ARHGAP32: variants seen among roughly 807,000 people sequenced by gnomAD.
ARHGAP32 encodes the protein Rho GTPase activating protein 32.
Under a neutral mutation model 186.5 loss-of-function variants are expected in ARHGAP32, and 51 were observed. The ratio of observed to expected loss-of-function variants is 0.27; its 90% CI spans 0.22 to 0.35. The LOEUF (loss-of-function observed/expected upper bound fraction) is 0.35. Among genes scored for constraint, ARHGAP32 ranks in the 10% least tolerant of loss-of-function variants. ARHGAP32 has a pLI of 1.00. For synonymous variants in ARHGAP32, 950 were observed against 964.3 expected (o/e 0.99, Z 0.27); for missense variants, 2,186 against 2,623.5 (o/e 0.83, Z 3.64).
In ARHGAP32 at chr11:129,047,269, G is replaced by T. The variant is rs2135057719; in HGVS notation, c.964-6260C>A. On this transcript the variant is annotated intron_variant, in intron 10 of 22. Coordinates refer to ENST00000682385, the MANE Select transcript of ARHGAP32 (RefSeq NM_001378024.1). The stretch of plus-strand genomic sequence containing the variant: ...TGCTCACTCCTCAAAATATATCACA[G>T]ATTTTTCAATTGGAATTATTTGGCC... 2.0e-5 allele frequency among the ~76,000 whole-genome samples: 3 copies of T among 152,194 alleles called. No individual in the cohort carries two copies. In the South Asian group the frequency reaches 6.2e-4, roughly 32 times the overall value.
chr11:129,271,755 G>T (rs1591390274), intron 1 of ARHGAP32, among the ~76,000 whole-genome samples: 1 of 152,254 alleles, frequency 6.6e-6, no homozygotes, highest in East Asian at 1.9e-4. Flanking sequence ...CAACTAAGAG[G>T]TCAAAACTAG....
intron 1 of ARHGAP32, among the ~76,000 whole-genome samples, chr11:129,200,155 T>C (rs1944440500): frequency 6.6e-6 from 1 of 152,194 alleles, no homozygotes; most frequent in Admixed American, 6.5e-5. Context: ...TACAGGTTCA[T>C]AGGCAGAAGG....
At chr11:129,035,239 T>C (rs1028003878) in intron 11 of ARHGAP32, among the ~76,000 whole-genome samples, 1 of 152,122 alleles carries the variant, frequency 6.6e-6, no homozygotes, top group South Asian at 2.1e-4. Context: ...ATGGGTACTT[T>C]CTATCTTGGT....
Position 129,258,464 on chromosome 11 carries a change from C to T in ARHGAP32, c.-5+20682G>A, listed in dbSNP as rs1183430704. Among the ~76,000 whole-genome samples, 6 of 152,046 alleles carry T rather than the reference C, an allele frequency of 3.9e-5. No homozygotes were observed. In the East Asian group the frequency reaches 1.2e-3, roughly 29 times the overall value. On this transcript the variant is annotated intron_variant, in intron 1 of 6. Transcript: ENST00000525234. Reference sequence around the variant, plus strand: ...CTGCAGCAGTATGTGCCTGCCACGTCCCTCTTTTTAACTTCTTCCAGCTCC... The same window carrying T: ...CTGCAGCAGTATGTGCCTGCCACGTTCCTCTTTTTAACTTCTTCCAGCTCC...
chr11:128,999,436 C>A (rs1565367149), intron 11 of ARHGAP32, among the ~76,000 whole-genome samples: 2 of 152,152 alleles, frequency 1.3e-5, no homozygotes, highest in Admixed American at 1.3e-4. Context: ...ATTCTAATTT[C>A]GCCCTGGTCC....
At chr11:129,156,011 GGACTGTGCCGTGAGAA>G (rs1258944329) in intron 2 of ARHGAP32, among the ~76,000 whole-genome samples, 8 of 152,180 alleles carry the variant, frequency 5.3e-5, no homozygotes, top group South Asian at 2.1e-4. Context: ...AAGATGTGAG[GGACTGTGCCGTGAGAA>G]GACTGTGCCG....
At chr11:129,279,616 C>T (rs973052762), upstream of ARHGAP32, among the ~76,000 whole-genome samples, 14 of 146,218 alleles carry the variant, frequency 9.6e-5, no homozygotes, top group Admixed American at 6.8e-5. Context: ...CCGCGACGCC[C>T]GCAGCGGGGA....
chr11:128,979,478 T>C (rs777301024), intron 18 of ARHGAP32, among the ~76,000 whole-genome samples: 17 of 152,182 alleles, frequency 1.1e-4, no homozygotes, highest in Admixed American at 6.5e-5. Flanking sequence ...TCTTTAACAT[T>C]ATAAAACTAT....
At chr11:129,233,170 C>T (rs1305290950) in intron 1 of ARHGAP32, among the ~76,000 whole-genome samples, 2 of 151,746 alleles carry the variant, frequency 1.3e-5, no homozygotes, top group African/African-American at 4.8e-5. Flanking sequence ...AAAAAGAATC[C>T]TGATCTTTTA....
Position 129,176,956 on chromosome 11 carries a change from T to C in ARHGAP32, c.117-12529A>G, listed in dbSNP as rs1352467559. On this transcript the variant is annotated intron_variant, in intron 1 of 22. Transcript: ENST00000682385. The stretch of plus-strand genomic sequence containing the variant: ...AAAATCAGAGCAGAACTGAAGGAAA[T>C]AGAGACACAAAAAACCCTTCAAAAA... Among the ~76,000 whole-genome samples the C allele has an allele frequency of 2.0e-4, 30 of 150,670 alleles. 2 individuals are homozygous for C. The highest frequency in any genetic ancestry group is 6.8e-4 in the African/African-American group (28 of 41,024).
chr11:129,148,967 T>G (rs1405317723), intron 2 of ARHGAP32, among the ~76,000 whole-genome samples: 4 of 152,184 alleles, frequency 2.6e-5, no homozygotes, highest in African/African-American at 7.2e-5. Flanking sequence ...AGTCTAAGCT[T>G]GGACCCACCT....
chr11:129,178,437 A>C (rs1037752262), intron 1 of ARHGAP32, among the ~76,000 whole-genome samples: 6 of 151,978 alleles, frequency 3.9e-5, no homozygotes, highest in Non-Finnish European at 8.8e-5. Flanking sequence ...AATTGGAAAA[A>C]ACTACTTTAA....
intron 5 of ARHGAP32, among the ~76,000 whole-genome samples, chr11:129,112,985 T>C (rs970158704): frequency 3.3e-5 from 5 of 152,170 alleles, no homozygotes; most frequent in African/African-American, 1.2e-4. Context: ...TAAAAAATAA[T>C]AGTCCTTACA....
chr11:129,170,825 G>A (rs1943744249), intron 1 of ARHGAP32, among the ~76,000 whole-genome samples: 1 of 152,174 alleles, frequency 6.6e-6, no homozygotes, highest in South Asian at 2.1e-4. Context: ...AGCCTCGCCA[G>A]CATCTATTGT....
In ARHGAP32 at chr11:129,205,353, A is replaced by G. The variant is rs1591695942; in HGVS notation, c.-4-40926T>C. On this transcript the variant is annotated intron_variant, in intron 1 of 6. Transcript: ENST00000525234. The stretch of plus-strand genomic sequence containing the variant: ...CTGTTCTGACTTTGCTTACTGATAT[A>G]CAATTCATTAAGTTACTTTTTCACT... 3.9e-5 allele frequency among the ~76,000 whole-genome samples: 6 copies of G among 152,296 alleles called. No individual in the cohort carries two copies. In the South Asian group the frequency reaches 1.2e-3, roughly 32 times the overall value.
intron 1 of ARHGAP32, among the ~76,000 whole-genome samples, chr11:129,263,688 GAGAA>G (rs1262740419): frequency 6.7e-6 from 1 of 149,572 alleles, no homozygotes; most frequent in Non-Finnish European, 1.5e-5. Flanking sequence ...AGAAAAGAAA[GAGAA>G]AAAGAAAGAG....
chr11:129,189,379 T>C (rs190906209), intron 1 of ARHGAP32, among the ~76,000 whole-genome samples: 23 of 152,314 alleles, frequency 1.5e-4, no homozygotes, highest in African/African-American at 4.6e-4. Flanking sequence ...ATAGGAGTGA[T>C]AAGCAGTTAA....
intron 6 of ARHGAP32, among the ~76,000 whole-genome samples, chr11:129,089,241 C>T (rs1445023617): frequency 6.6e-6 from 1 of 152,050 alleles, no homozygotes; most frequent in Non-Finnish European, 1.5e-5. Flanking sequence ...ACTAGAGATG[C>T]GATACAGAAA....
chr11:129,147,465 C>T (rs1943189593), intron 2 of ARHGAP32, among the ~76,000 whole-genome samples: 1 of 152,150 alleles, frequency 6.6e-6, no homozygotes, highest in Non-Finnish European at 1.5e-5. Context: ...AAAAAAGTTA[C>T]TGAATGTTCT....
Sources: allele counts gnomAD v4.1 joint callset (sites outside exome capture counted in the v4.1 genomes callset), GRCh38; gene constraint gnomAD v4.1.1; transcripts MANE v1.5; gene names NCBI Gene and HGNC (gene_info 2026-07-23, HGNC 2026-07-21).